Variants in CLEC7A observed in about 807,000 individuals in gnomAD.
CLEC7A encodes C-type lectin domain containing 7A.
A neutral mutation model predicts 26.9 loss-of-function variants in CLEC7A; 25 were observed. That is an observed-to-expected ratio of 0.93 (90% confidence interval 0.68 to 1.30). The LOEUF (loss-of-function observed/expected upper bound fraction) is 1.30. Among genes scored for constraint, CLEC7A ranks in the 50% most tolerant of loss-of-function variants. CLEC7A has a pLI of 0.00. For missense variants in CLEC7A, 275 were observed against 286.7 expected, an observed-to-expected ratio of 0.96 and a Z score of 0.29; for synonymous variants, 100 against 99.5, an observed-to-expected ratio of 1.01 and a Z score of -0.03.
chr12:10,118,534 A>C lies in CLEC7A; in HGVS notation c.668T>G (p.Ile223Ser), dbSNP rs16910527. The stretch of plus-strand genomic sequence containing the variant: ...TTGGTCATAAATGACTGACACGTGA[A>C]TCCATACACAATTTGGAGATGGGTT... ...QENPSPNCVW[I>S]HVSVIYDQLC... Residue 223 changes from isoleucine to serine, a missense_variant, in exon 6 of 6, where the codon ATT becomes AGT. Coordinates refer to ENST00000304084, the MANE Select transcript of CLEC7A (RefSeq NM_197947.3). 1.9e-3 allele frequency: 3,018 copies of C among 1,612,906 alleles called. 46 individuals carry two copies. In the African/African-American group the frequency reaches 0.035, roughly 19 times the overall value.
Position 10,117,060 on chromosome 12 carries a change from T to G in CLEC7A, c.*1398A>C, listed in dbSNP as rs1947934306. 6.6e-6 allele frequency: 1 copy of G among 152,168 alleles called. No homozygotes were observed. Among genetic ancestry groups the G allele is most frequent in the African/African-American group, 2.4e-5 (1 of 41,448 alleles). The allele number at this position is 152,168 out of a possible 1,614,324, so 9.4% of individuals were successfully genotyped here. A position where few individuals can be genotyped will look rare whatever the true frequency, so the allele number is the denominator to read the frequency against. ...AATTACTGAAAAAAATGGTAAAAATTGTAAAACAGTACATCACAAAACTAA... is the reference window on the plus strand; with the variant it reads ...AATTACTGAAAAAAATGGTAAAAATGGTAAAACAGTACATCACAAAACTAA... On this transcript the variant is annotated 3_prime_UTR_variant, in exon 6 of 6. Coordinates refer to ENST00000304084, the MANE Select transcript of CLEC7A (RefSeq NM_197947.3).
In CLEC7A at chr12:10,126,631, G is replaced by C; in HGVS notation, c.280C>G (p.Gln94Glu). Residue 94 changes from glutamine (Q) to glutamate (E), a missense_variant, in exon 3 of 6, where the codon CAA (glutamine) becomes GAA (glutamate). By Grantham distance (29) the Gln-to-Glu change is conservative. Coordinates refer to ENST00000304084, the MANE Select transcript of CLEC7A (RefSeq NM_197947.3). ...FLSRNKENHSQPTQSSLEDSV... is the reference protein window; with the variant it reads ...FLSRNKENHSEPTQSSLEDSV... ...TCTTCTAAAGATGATTGTGTGGGTT[G>C]ACTGTGGTTCTCTTTATTTCTTGAT... is the stretch of plus-strand genomic sequence containing the variant. 1 of 1,612,976 alleles carries C rather than the reference G, an allele frequency of 6.2e-7. No homozygotes were observed. The highest frequency in any genetic ancestry group is 8.5e-7 in the Non-Finnish European group (1 of 1,179,552).
chr12:10,124,937 A>T, intron 4 of CLEC7A: 1 of 211,856 alleles, frequency 4.7e-6, no homozygotes, highest in Admixed American at 5.4e-5. Flanking sequence ...GGTGGCTTAC[A>T]CCTGTAATCC....
chr12:10,130,280 T>C (rs1016387625), upstream of CLEC7A: 5 of 438,346 alleles, frequency 1.1e-5, no homozygotes, highest in Admixed American at 3.6e-5. Flanking sequence ...GTGGTAATTT[T>C]CCATTTGTAC....
rs761405478 is a variant in CLEC7A at position 10,123,335 on chromosome 12, T to TG, written c.520dup (p.Gln174ProfsTer3). ...GCCTATCCAAAATGAATTATCAGGT[T>TG]GGGAAGACACTTGTTTTACTATAAA... On this transcript the variant is annotated frameshift_variant, in exon 5 of 6. Coordinates refer to ENST00000304084, the MANE Select transcript of CLEC7A (RefSeq NM_197947.3). LOFTEE classifies it high-confidence loss of function. 15 of 1,610,944 alleles carry TG rather than the reference T, an allele frequency of 9.3e-6. No homozygotes were observed. The South Asian group carries it at 1.6e-4, about 18-fold the overall frequency.
intron 5 of CLEC7A, among the ~76,000 whole-genome samples, chr12:10,121,301 G>A (rs181442114): frequency 5.0e-4 from 75 of 151,118 alleles, no homozygotes; most frequent in African/African-American, 1.6e-3. Context: ...ATAAGAAAAA[G>A]TGTTAAATCG....
chr12:10,130,205 G>T, upstream of CLEC7A: 1 of 544,060 alleles, frequency 1.8e-6, no homozygotes. Flanking sequence ...GTACTTACCG[G>T]AGTTTAACAA....
In CLEC7A at chr12:10,125,379, G is replaced by C. The variant is rs903629711; in HGVS notation, c.410C>G (p.Ser137Ter). The stretch of plus-strand genomic sequence containing the variant: ...TTTACTTCCATCCCAGGAATTTAGT[G>C]ACATGCTGAATAGATAACAGCTCTT... ...YEKSCYLFSM[S>*]LNSWDGSKRQ... The change falls in exon 4 of 6, where the codon TCA becomes TGA. Residue 137 changes from serine to a stop codon, truncating the protein, a stop_gained. Transcript: ENST00000304084. LOFTEE classifies it high-confidence loss of function. 6.2e-7 allele frequency: 1 copy of C among 1,613,236 alleles called. No homozygotes were observed. Among genetic ancestry groups the C allele is most frequent in the Non-Finnish European group, 8.5e-7 (1 of 1,179,574 alleles).
intron 5 of CLEC7A, among the ~76,000 whole-genome samples, chr12:10,120,417 C>A (rs1948041057): frequency 6.6e-6 from 1 of 151,986 alleles, no homozygotes; most frequent in South Asian, 2.1e-4. Flanking sequence ...AGAGGAAAAA[C>A]AACAAACCTC....
chr12:10,124,052 T>C (rs1948193943), intron 4 of CLEC7A, among the ~76,000 whole-genome samples: 1 of 152,222 alleles, frequency 6.6e-6, no homozygotes, highest in Non-Finnish European at 1.5e-5. Flanking sequence ...CGTTAAGAAG[T>C]ACTTCTCAGA....
At chr12:10,125,537 A>G (rs1369240708) in intron 3 of CLEC7A, 89 bp from the exon 4 acceptor site, 22 of 1,096,610 alleles carry the variant, frequency 2.0e-5, no homozygotes, top group Non-Finnish European at 2.6e-5. Context: ...GACACTTATG[A>G]AATAACCAAT....
chr12:10,118,577 T>A lies in CLEC7A; in HGVS notation c.625A>T (p.Thr209Ser), dbSNP rs1156446338. The A allele has an allele frequency of 6.2e-7, 1 of 1,613,258 alleles. No individual in the cohort carries two copies. Among genetic ancestry groups the A allele is most frequent in the South Asian group, 1.1e-5 (1 of 91,042 alleles). The change falls in exon 6 of 6, where the codon ACC becomes TCC. Residue 209 changes from threonine (T) to serine (S), a missense_variant. Transcript: ENST00000304084. ...GATGGGTTTTCTTGGGTAGCTGTGGTTCTGATCTGAAATCTGTTAAAATAG... is the reference window on the plus strand; with the variant it reads ...GATGGGTTTTCTTGGGTAGCTGTGGATCTGATCTGAAATCTGTTAAAATAG... ...TFSSNLFQIR[T>S]TATQENPSPN...
chr12:10,124,570 A>G (rs573657452), intron 4 of CLEC7A, among the ~76,000 whole-genome samples: 144 of 152,292 alleles, frequency 9.5e-4, no homozygotes, highest in South Asian at 1.9e-3. Context: ...GTCCTGTGAT[A>G]GCAGGGTTAT....
rs1233791239 is a variant in CLEC7A, at chr12:10,127,987, G to T, written c.104-142C>A. 6.5e-6 allele frequency: 4 copies of T among 618,294 alleles called. No homozygotes were observed. The African/African-American group carries it at 7.5e-5, about 12-fold the overall frequency. 38.3% of individuals were successfully genotyped at this position (618,294 alleles called of 1,614,324 possible). On this transcript the variant is annotated intron_variant, in intron 1 of 5. Coordinates refer to ENST00000304084, the MANE Select transcript of CLEC7A (RefSeq NM_197947.3). ...CCCAGAAGGGAGACTGAGGTAGGAG[G>T]ATTGCTTGAGGCCAGAAGCTCAAGA...
intron 1 of CLEC7A, among the ~76,000 whole-genome samples, chr12:10,128,246 A>C (rs11053620): frequency 1.5e-4 from 17 of 110,748 alleles, no homozygotes; most frequent in African/African-American, 3.0e-4. Flanking sequence ...ACACACACAC[A>C]CCACCAACAA....
chr12:10,124,756 T>G (rs527500156), intron 4 of CLEC7A: 24 of 152,392 alleles, frequency 1.6e-4, no homozygotes, highest in African/African-American at 5.5e-4. Flanking sequence ...GGTAGTGTCC[T>G]GATTATTGTA....
At chr12:10,127,325 A>G (rs1362028940) in intron 2 of CLEC7A, 1 of 1,529,108 alleles carries the variant, frequency 6.5e-7, no homozygotes, top group East Asian at 2.3e-5. Context: ...AAAATAGCTT[A>G]ATGTCCATTT....
chr12:10,118,223 C>A lies in CLEC7A; in HGVS notation c.*235G>T, dbSNP rs11053595. 52,724 of 466,782 alleles carry A rather than the reference C, an allele frequency of 0.11. 4,443 individuals carry two copies. Among genetic ancestry groups the A allele is most frequent in the African/African-American group, 0.33 (16,184 of 48,812 alleles). 28.9% of individuals were successfully genotyped at this position (466,782 alleles called of 1,614,324 possible). On this transcript the variant is annotated 3_prime_UTR_variant, in exon 6 of 6. Coordinates refer to ENST00000304084, the MANE Select transcript of CLEC7A (RefSeq NM_197947.3). Reference sequence around the variant, plus strand: ...AAAAATAAAAACTCAAGCTTGGCTGCCCTGATTCCATGTCTAGGGATCTAC... The same window carrying A: ...AAAAATAAAAACTCAAGCTTGGCTGACCTGATTCCATGTCTAGGGATCTAC...
chr12:10,126,676 A>G lies in CLEC7A; in HGVS notation c.235T>C (p.Leu79=). ...CTTGATAGAAAGTAGCCATTCTCCA[A>G]TGTGTTGCTTCCTGAATTGGATCTC... ...IWRSNSGSNT[L]ENGYFLSRNK... The change falls in exon 3 of 6, where the codon TTG becomes CTG. Residue 79 remains leucine (L), a synonymous_variant. Coordinates refer to ENST00000304084, the MANE Select transcript of CLEC7A (RefSeq NM_197947.3). 1.9e-6 allele frequency: 3 copies of G among 1,612,630 alleles called. No individual in the cohort carries two copies. The highest frequency in any genetic ancestry group is 1.1e-5 in the South Asian group (1 of 90,878).
Sources: gnomAD v4.1 joint callset for allele counts (sites outside exome capture counted in the v4.1 genomes callset) on GRCh38, gnomAD v4.1.1 for gene constraint, MANE v1.5 for transcripts, NCBI Gene and HGNC (gene_info 2026-07-23, HGNC 2026-07-21) for gene names.